Variants in ONECUT3 observed in about 807,000 individuals in gnomAD.
The protein encoded by ONECUT3 is one cut domain family member 3.
Under a neutral mutation model 16.8 loss-of-function variants are expected in ONECUT3, and 11 were observed. The observed-to-expected ratio is 0.66, with a 90% CI of 0.41 to 1.09. The LOEUF (loss-of-function observed/expected upper bound fraction) is 1.09. Ranked by LOEUF, ONECUT3 falls within the 50% of genes least tolerant of loss-of-function variation. ONECUT3 has a pLI of 0.00. For synonymous variants in ONECUT3, 344 were observed against 310.7 expected (o/e 1.11, Z -1.13); for missense variants, 637 against 629.9 (o/e 1.01, Z -0.12).
intron 1 of ONECUT3, among the ~76,000 whole-genome samples, chr19:1,763,347 A>C (rs2067956657): frequency 8.1e-6 from 1 of 123,620 alleles, no homozygotes; most frequent in Admixed American, 9.9e-5. Context: ...AGCCTGGGTG[A>C]CAGAGTGAGA....
In ONECUT3 at chr19:1,756,916, C is replaced by T. The variant is rs534974028; in HGVS notation, c.1192+2062C>T. Among the ~76,000 whole-genome samples, 3 of 152,178 alleles carry T rather than the reference C, an allele frequency of 2.0e-5. No individual in the cohort carries two copies. In the South Asian group the frequency reaches 6.2e-4, roughly 32 times the overall value. On this transcript the variant is annotated intron_variant, in intron 1 of 1. Coordinates refer to ENST00000382349, the MANE Select transcript of ONECUT3 (RefSeq NM_001080488.2). ...GTAAGGCAGGGACAGTTTCTATAGC[C>T]CGATACCCACCACCTCCTGCCTCCT...
At chr19:1,775,087 T>A (rs2068092480) in intron 1 of ONECUT3, 66 bp from the exon 2 acceptor site, 2 of 1,141,770 alleles carry the variant, frequency 1.8e-6, no homozygotes, top group East Asian at 5.7e-5. Flanking sequence ...GCCTCCTGCC[T>A]CTCCCCGGCC....
Position 1,758,417 on chromosome 19 carries a change from C to T in ONECUT3, c.1192+3563C>T, listed in dbSNP as rs977718285. Among the ~76,000 whole-genome samples, 4 of 152,030 alleles carry T rather than the reference C, an allele frequency of 2.6e-5. No homozygotes were observed. Among genetic ancestry groups the T allele is most frequent in the Admixed American group, 6.6e-5 (1 of 15,264 alleles). Reference sequence around the variant, plus strand: ...CCTCCCACAGCCCCCTCCTTCTTCCCCATGGGGTAGGACTTGGGAGAGGGG... The same window carrying T: ...CCTCCCACAGCCCCCTCCTTCTTCCTCATGGGGTAGGACTTGGGAGAGGGG... On this transcript the variant is annotated intron_variant, in intron 1 of 1. Transcript: ENST00000382349. The surrounding 1 kb of genome is among the most constrained non-coding windows in gnomAD (Gnocchi z 5.9).
At position 1,759,987 on chromosome 19, in the gene ONECUT3, G is replaced by A. The variant is rs545904415; in HGVS notation, c.1192+5133G>A. 7.2e-5 allele frequency among the ~76,000 whole-genome samples: 11 copies of A among 152,332 alleles called. No homozygotes were observed. Among genetic ancestry groups the A allele is most frequent in the South Asian group, 4.1e-4 (2 of 4,832 alleles). ...CCCGGGGAGGAGCAGCCCTAGCTAG[G>A]GACCTGGGCCAGGATCAGGGATCAG... On this transcript the variant is annotated intron_variant, in intron 1 of 1. Coordinates refer to ENST00000382349, the MANE Select transcript of ONECUT3 (RefSeq NM_001080488.2). This position sits in a 1 kb window ranked among gnomAD's most constrained non-coding sequence, Gnocchi z 4.1.
In ONECUT3 at chr19:1,755,104, G is replaced by A. The variant is rs555533049; in HGVS notation, c.1192+250G>A. ...GTCGCCGCTTCTGCCCCTTTCGGGA[G>A]CGCGTAGGGGTTCTCTAGTCCTTGT... On this transcript the variant is annotated intron_variant, in intron 1 of 1. Coordinates refer to ENST00000382349, the MANE Select transcript of ONECUT3 (RefSeq NM_001080488.2). This position sits in a 1 kb window ranked among gnomAD's most constrained non-coding sequence, Gnocchi z 7.5. Among the ~76,000 whole-genome samples, 17 of 152,300 alleles carry A rather than the reference G, an allele frequency of 1.1e-4. No individual in the cohort carries two copies. In the East Asian group the frequency reaches 3.3e-3, roughly 29 times the overall value.
At position 1,780,259 on chromosome 19, in the gene ONECUT3, G is replaced by A. The variant is rs2068145649; in HGVS notation, c.*4814G>A. On this transcript the variant is annotated 3_prime_UTR_variant, in exon 2 of 2. Transcript: ENST00000382349. ...GCCTTTCTGTCCAGCCCGGGAGGCA[G>A]GGGGTGTACGCCTGCAGAGACCCCT... The A allele has an allele frequency of 6.6e-6, 1 of 151,986 alleles. No homozygotes were observed. Among genetic ancestry groups the A allele is most frequent in the Non-Finnish European group, 1.5e-5 (1 of 68,024 alleles). 9.4% of individuals were successfully genotyped at this position (151,986 alleles called of 1,614,324 possible). A position where few individuals can be genotyped will look rare whatever the true frequency, so the allele number is the denominator to read the frequency against.
Position 1,754,341 on chromosome 19 carries a change from G to A in ONECUT3, c.679G>A (p.Ala227Thr). 1 of 1,069,028 alleles carries A rather than the reference G, an allele frequency of 9.4e-7. No homozygotes were observed. The highest frequency in any genetic ancestry group is 1.1e-6 in the Non-Finnish European group (1 of 885,232). 66.2% of individuals were successfully genotyped at this position (1,069,028 alleles called of 1,614,324 possible). A position where few individuals can be genotyped will look rare whatever the true frequency, so the allele number is the denominator to read the frequency against. ...GCCGCCACCACCCCCGCCGCTGGCC[G>A]CCTACGGCCCGCCAGGCCACCTGGC... ...PPPPPPPPLA[A>T]YGPPGHLAGD... Residue 227 changes from alanine to threonine, a missense_variant, in exon 1 of 2, where the codon GCC (alanine) becomes ACC (threonine). By Grantham distance (58) the Ala-to-Thr change is moderately conservative (BLOSUM62 0). Around this residue, in one of 3 missense-constraint regions of ONECUT3, gnomAD observed 419 missense variants for 377.9 expected, o/e 1.11. Coordinates refer to ENST00000382349, the MANE Select transcript of ONECUT3 (RefSeq NM_001080488.2). The surrounding 1 kb of genome is among the most constrained non-coding windows in gnomAD (Gnocchi z 7.4).
chr19:1,759,337 C>A lies in ONECUT3; in HGVS notation c.1192+4483C>A, dbSNP rs375322080. On this transcript the variant is annotated intron_variant, in intron 1 of 1. Coordinates refer to ENST00000382349, the MANE Select transcript of ONECUT3 (RefSeq NM_001080488.2). This position sits in a 1 kb window ranked among gnomAD's most constrained non-coding sequence, Gnocchi z 4.1. ...GGCCCTCCCTCCCCGGCTTCTCCCC[C>A]CTACCCGCTGCCACCATCAAGGGCT... 2.0e-5 allele frequency among the ~76,000 whole-genome samples: 3 copies of A among 152,012 alleles called. No homozygotes were observed. The highest frequency in any genetic ancestry group is 4.8e-5 in the African/African-American group (2 of 41,376).
In ONECUT3 at chr19:1,775,336, G is replaced by C. The variant is rs763550698; in HGVS notation, c.1376G>C (p.Ser459Thr). ...CTCGGCTTGGAGCTCAACACCGTCA[G>C]CAACTTCTTCATGAACGCGCGGCGC... ...QQLGLELNTV[S>T]NFFMNARRRC... Residue 459 changes from serine (S) to threonine (T), a missense_variant, in exon 2 of 2, where the codon AGC becomes ACC. Physicochemically the swap from Ser to Thr is moderately conservative, Grantham distance 58 (BLOSUM62 1). Transcript: ENST00000382349. 25 of 1,536,500 alleles carry C rather than the reference G, an allele frequency of 1.6e-5. No homozygotes were observed. In the South Asian group the frequency reaches 2.7e-4, roughly 17 times the overall value.
At chr19:1,765,773 G>A (rs990353534) in intron 1 of ONECUT3, among the ~76,000 whole-genome samples, 1 of 152,334 alleles carries the variant, frequency 6.6e-6, no homozygotes, top group South Asian at 2.1e-4. Context: ...CGCGTTCAAG[G>A]CCACTCGGCC....
chr19:1,758,043 C>T lies in ONECUT3; in HGVS notation c.1192+3189C>T, dbSNP rs1055443675. ...CTTGCCCGGCTCGGGGCGGGCCACG[C>T]GTTTCCGCAGGTGCCGAGTGTCCTG... On this transcript the variant is annotated intron_variant, in intron 1 of 1. Coordinates refer to ENST00000382349, the MANE Select transcript of ONECUT3 (RefSeq NM_001080488.2). The surrounding 1 kb of genome is among the most constrained non-coding windows in gnomAD (Gnocchi z 5.9). Among the ~76,000 whole-genome samples the T allele has an allele frequency of 6.6e-6, 1 of 152,176 alleles. No individual in the cohort carries two copies. The highest frequency in any genetic ancestry group is 1.5e-5 in the Non-Finnish European group (1 of 68,016).
At position 1,758,578 on chromosome 19, in the gene ONECUT3, G is replaced by T. The variant is rs78441082; in HGVS notation, c.1192+3724G>T. 2.6e-4 allele frequency among the ~76,000 whole-genome samples: 40 copies of T among 152,298 alleles called. No homozygotes were observed. The East Asian group carries it at 6.4e-3, about 24-fold the overall frequency. On this transcript the variant is annotated intron_variant, in intron 1 of 1. Transcript: ENST00000382349. The surrounding 1 kb of genome is among the most constrained non-coding windows in gnomAD (Gnocchi z 5.9). Reference sequence around the variant, plus strand: ...GTGCGTGTGGTGGGCCGAATTCTGGGTCTGACACTGTCAGATTCTGGACCC... The same window carrying T: ...GTGCGTGTGGTGGGCCGAATTCTGGTTCTGACACTGTCAGATTCTGGACCC...
chr19:1,774,386 G>C (rs1382440313), intron 1 of ONECUT3, among the ~76,000 whole-genome samples: 3 of 150,616 alleles, frequency 2.0e-5, no homozygotes, highest in Admixed American at 6.6e-5. Context: ...TTCGAGACCA[G>C]CCTGGGCAAC....
chr19:1,775,580 C>T lies in ONECUT3; in HGVS notation c.*135C>T. On this transcript the variant is annotated 3_prime_UTR_variant, in exon 2 of 2. Coordinates refer to ENST00000382349, the MANE Select transcript of ONECUT3 (RefSeq NM_001080488.2). Reference sequence around the variant, plus strand: ...GGGGGTGCTATCCGGGCCCCCCACACCCGGGGAGGGGGAAGCAGCACACCC... The same window carrying T: ...GGGGGTGCTATCCGGGCCCCCCACATCCGGGGAGGGGGAAGCAGCACACCC... The T allele has an allele frequency of 1.2e-6, 1 of 862,142 alleles. No homozygotes were observed. Among genetic ancestry groups the T allele is most frequent in the South Asian group, 2.0e-5 (1 of 50,244 alleles). 53.4% of individuals were successfully genotyped at this position (862,142 alleles called of 1,614,324 possible). A position where few individuals can be genotyped will look rare whatever the true frequency, so the allele number is the denominator to read the frequency against.
intron 1 of ONECUT3, among the ~76,000 whole-genome samples, chr19:1,768,904 G>GAA (rs2068021021): frequency 7.9e-6 from 1 of 126,266 alleles, no homozygotes; most frequent in Non-Finnish European, 1.8e-5. Context: ...AGGTGGAGGT[G>GAA]GTGGAGGTGG....
Position 1,761,422 on chromosome 19 carries a change from C to T in ONECUT3, c.1192+6568C>T, listed in dbSNP as rs150849676. On this transcript the variant is annotated intron_variant, in intron 1 of 1. Transcript: ENST00000382349. ...TTTGCATGGCCACTTTGGGTTGGCACCCCGGGTTGGCACCCTGCCCCGTGG... is the reference window on the plus strand; with the variant it reads ...TTTGCATGGCCACTTTGGGTTGGCATCCCGGGTTGGCACCCTGCCCCGTGG... Among the ~76,000 whole-genome samples the T allele has an allele frequency of 4.3e-3, 643 of 151,136 alleles. 6 individuals are homozygous for T. The highest frequency in any genetic ancestry group is 0.015 in the African/African-American group (610 of 40,454).
intron 1 of ONECUT3, among the ~76,000 whole-genome samples, chr19:1,761,243 G>C (rs372326280): frequency 9.0e-4 from 135 of 150,644 alleles, no homozygotes; most frequent in African/African-American, 3.0e-3. Flanking sequence ...AGTAGAGACC[G>C]GGTTTCACCA....
chr19:1,757,802 G>C (rs1213121548), intron 1 of ONECUT3, among the ~76,000 whole-genome samples: 1 of 152,082 alleles, frequency 6.6e-6, no homozygotes. Flanking sequence ...GGAGACGGCC[G>C]GATGCGTCCC....
chr19:1,776,399 C>G lies in ONECUT3; in HGVS notation c.*954C>G, dbSNP rs911587823. 2.6e-5 allele frequency: 4 copies of G among 152,204 alleles called. No homozygotes were observed. Among genetic ancestry groups the G allele is most frequent in the African/African-American group, 9.7e-5 (4 of 41,448 alleles). 9.4% of individuals were successfully genotyped at this position (152,204 alleles called of 1,614,324 possible). A position where few individuals can be genotyped will look rare whatever the true frequency, so the allele number is the denominator to read the frequency against. On this transcript the variant is annotated 3_prime_UTR_variant, in exon 2 of 2. Transcript: ENST00000382349. The surrounding 1 kb of genome is among the most constrained non-coding windows in gnomAD (Gnocchi z 4.9). ...CCGGAGGAGCCCCTCTGCACGGGCC[C>G]GTGGAGACGCTTCCTGCGTGGAACC...
Sources: gnomAD v4.1 joint callset for allele counts (sites outside exome capture counted in the v4.1 genomes callset) on GRCh38, gnomAD v4.1.1 for gene constraint, gnomAD v4.1.1 regional missense constraint, Gnocchi (gnomAD v3.1) non-coding constraint, MANE v1.5 for transcripts, NCBI Gene and HGNC (gene_info 2026-07-23, HGNC 2026-07-21) for gene names.